The following MAPKAP1 variants were observed in gnomAD, a reference collection of about 807,000 sequenced individuals.
MAPKAP1 encodes target of rapamycin complex 2 subunit MAPKAP1.
Under a neutral mutation model 65.7 loss-of-function variants are expected in MAPKAP1, and 20 were observed. That is an observed-to-expected ratio of 0.30 (90% CI 0.21 to 0.44). The LOEUF (loss-of-function observed/expected upper bound fraction) is 0.44, where lower values mean the gene tolerates loss of function less well. Among genes scored for constraint, MAPKAP1 ranks in the 20% least tolerant of loss-of-function variants. The pLI is 1.00. For synonymous variants in MAPKAP1, 222 were observed against 244.3 expected, an observed-to-expected ratio of 0.91 and a Z score of 0.85; for missense variants, 423 against 648.0, an observed-to-expected ratio of 0.65 and a Z score of 3.77.
chr9:125,642,368 A>G (rs561373160), intron 4 of MAPKAP1, among the ~76,000 whole-genome samples: 1 of 152,332 alleles, frequency 6.6e-6, no homozygotes, highest in Admixed American at 6.5e-5. Context: ...CAGGAGAATA[A>G]AAATTCCAGG....
intron 6 of MAPKAP1, among the ~76,000 whole-genome samples, chr9:125,554,828 G>A (rs552072566): frequency 2.1e-4 from 30 of 139,828 alleles, no homozygotes; most frequent in African/African-American, 4.5e-4. Context: ...GCATTTTCTA[G>A]TAAAGAACAT....
At chr9:125,590,907 G>A (rs974108975) in intron 4 of MAPKAP1, among the ~76,000 whole-genome samples, 124 of 151,988 alleles carry the variant, frequency 8.2e-4, no homozygotes, top group Admixed American at 4.6e-4. Context: ...CCAAATAGCT[G>A]AGATTGCAGG....
chr9:125,580,395 A>G (rs1195728611), intron 5 of MAPKAP1, among the ~76,000 whole-genome samples: 2 of 152,162 alleles, frequency 1.3e-5, no homozygotes, highest in African/African-American at 4.8e-5. Flanking sequence ...AGGGACATGG[A>G]TAAAGCTGGA....
intron 4 of MAPKAP1, among the ~76,000 whole-genome samples, chr9:125,626,312 G>A (rs926783488): frequency 6.6e-6 from 1 of 152,188 alleles, no homozygotes; most frequent in African/African-American, 2.4e-5. Context: ...AGCATGTTGG[G>A]GTCAGGGCCC....
At chr9:125,525,727 T>C (rs1256372142) in intron 7 of MAPKAP1, among the ~76,000 whole-genome samples, 1 of 147,710 alleles carries the variant, frequency 6.8e-6, no homozygotes, top group Non-Finnish European at 1.5e-5. Context: ...AAAGGAAAAG[T>C]AACAGGAGCA....
intron 5 of MAPKAP1, among the ~76,000 whole-genome samples, chr9:125,576,353 G>T (rs1831395746): frequency 6.6e-6 from 1 of 152,214 alleles, no homozygotes; most frequent in South Asian, 2.1e-4. Flanking sequence ...ATTAGTAACA[G>T]GAGTAAAATG....
chr9:125,545,579 G>A (rs1012431216), intron 6 of MAPKAP1, among the ~76,000 whole-genome samples: 1 of 152,190 alleles, frequency 6.6e-6, no homozygotes. Flanking sequence ...ATTTCAGTCT[G>A]CTTAGAAACT....
At chr9:125,594,684 C>G (rs1478875444) in intron 4 of MAPKAP1, among the ~76,000 whole-genome samples, 1 of 152,138 alleles carries the variant, frequency 6.6e-6, no homozygotes, top group Non-Finnish European at 1.5e-5. Flanking sequence ...TTTTCTGTAA[C>G]TACCCTCACC....
Position 125,613,836 on chromosome 9 carries a change from C to T in MAPKAP1, c.499-28109G>A, listed in dbSNP as rs1053653600. On this transcript the variant is annotated intron_variant, in intron 4 of 11. Coordinates refer to ENST00000265960, the MANE Select transcript of MAPKAP1 (RefSeq NM_001006617.3). ...TTTTTAAGACGGAGTCTCGCTCTGT[C>T]ACCCAAGCTGGAGTGCAGTGGCGCG... Among the ~76,000 whole-genome samples, 4 of 151,466 alleles carry T rather than the reference C, an allele frequency of 2.6e-5. No individual in the cohort carries two copies. In the East Asian group the frequency reaches 7.8e-4, roughly 29 times the overall value.
At chr9:125,510,905 T>C (rs578013966) in intron 7 of MAPKAP1, among the ~76,000 whole-genome samples, 6 of 152,316 alleles carry the variant, frequency 3.9e-5, no homozygotes, top group African/African-American at 1.4e-4. Flanking sequence ...GCAGGGTATA[T>C]ACGAGAGGCA....
intron 7 of MAPKAP1, among the ~76,000 whole-genome samples, chr9:125,522,802 C>T (rs927247899): frequency 1.3e-5 from 2 of 152,162 alleles, no homozygotes; most frequent in African/African-American, 4.8e-5. Flanking sequence ...TCTATCCATC[C>T]TAATTTCTTG....
At chr9:125,523,647 T>G (rs829180) in intron 7 of MAPKAP1, among the ~76,000 whole-genome samples, 22,881 of 152,236 alleles carry the variant, frequency 0.15, 4,060 homozygotes, top group African/African-American at 0.43. Context: ...GTGAATTTAA[T>G]GAGAAAAATT....
At position 125,579,341 on chromosome 9, in the gene MAPKAP1, G is replaced by T. The variant is rs192415628; in HGVS notation, c.671+6214C>A. Among the ~76,000 whole-genome samples, 990 of 152,282 alleles carry T rather than the reference G, an allele frequency of 6.5e-3. 6 individuals carry two copies. Among genetic ancestry groups the T allele is most frequent in the Non-Finnish European group, 0.011 (763 of 68,024 alleles). ...AGTTTTGCTCTTGTTGCCCAGGCTG[G>T]AGTGCAATGGCGTGATCTCAGCTCA... On this transcript the variant is annotated intron_variant, in intron 5 of 11. Coordinates refer to ENST00000265960, the MANE Select transcript of MAPKAP1 (RefSeq NM_001006617.3).
chr9:125,620,766 C>T (rs947789617), intron 4 of MAPKAP1, among the ~76,000 whole-genome samples: 3 of 151,940 alleles, frequency 2.0e-5, no homozygotes, highest in Non-Finnish European at 2.9e-5. Context: ...AAAGTGTTAA[C>T]AATATGCTAC....
intron 6 of MAPKAP1, among the ~76,000 whole-genome samples, chr9:125,557,855 C>T (rs35129945): frequency 0.28 from 42,297 of 151,864 alleles, 6,769 homozygotes; most frequent in Non-Finnish European, 0.36. Context: ...AATACTGAAA[C>T]GTTTATAATT....
chr9:125,569,471 C>T (rs868819818), intron 5 of MAPKAP1, among the ~76,000 whole-genome samples: 5 of 152,152 alleles, frequency 3.3e-5, no homozygotes, highest in Admixed American at 6.5e-5. Flanking sequence ...TTTTCTCCTC[C>T]GCGGACTATC....
chr9:125,640,526 G>C (rs967589278), intron 4 of MAPKAP1, among the ~76,000 whole-genome samples: 6 of 151,588 alleles, frequency 4.0e-5, no homozygotes, highest in African/African-American at 1.5e-4. Flanking sequence ...AATGTTTGAT[G>C]AATGAAAAAT....
At chr9:125,569,394 C>T (rs1027596726) in intron 5 of MAPKAP1, among the ~76,000 whole-genome samples, 6 of 152,168 alleles carry the variant, frequency 3.9e-5, no homozygotes, top group African/African-American at 1.4e-4. Flanking sequence ...AGTGGCGGTC[C>T]GGGTTCAATT....
chr9:125,670,262 A>G (rs1348889067), intron 2 of MAPKAP1, among the ~76,000 whole-genome samples: 1 of 152,168 alleles, frequency 6.6e-6, no homozygotes, highest in African/African-American at 2.4e-5. Flanking sequence ...ACTGAAGTGA[A>G]TATTACATTA....
Sources: allele counts gnomAD v4.1 joint callset (sites outside exome capture counted in the v4.1 genomes callset), GRCh38; gene constraint gnomAD v4.1.1; transcripts MANE v1.5; gene names NCBI Gene and HGNC (gene_info 2026-07-23, HGNC 2026-07-21).